The following MAJIN variants were observed in gnomAD, a reference collection of about 807,000 sequenced individuals.
MAJIN encodes the protein membrane-anchored junction protein.
A neutral mutation model predicts 30.2 loss-of-function variants in MAJIN; 27 were observed. The observed-to-expected ratio is 0.89, with a 90% CI of 0.66 to 1.23. The LOEUF is 1.23. Among genes scored for constraint, MAJIN ranks in the 50% most tolerant of loss-of-function variants. The pLI, the probability that MAJIN is intolerant of heterozygous loss-of-function variation, is 0.00. For synonymous variants in MAJIN, 78 were observed against 91.6 expected (o/e 0.85, Z 0.85); for missense variants, 253 against 260.3 (o/e 0.97, Z 0.19).
intron 1 of MAJIN, among the ~76,000 whole-genome samples, chr11:64,966,985 G>A (rs1204864155): frequency 6.6e-6 from 1 of 150,464 alleles, no homozygotes; most frequent in Non-Finnish European, 1.5e-5. Flanking sequence ...TTTATAGAAA[G>A]ATATACTTGG....
rs1382276146 is a variant in MAJIN, at chr11:64,972,044, A to G, written c.-232T>C. ...AGTCGTTTTGAGGGACTGGCTCGCCAGCTCCTAAGCAACTTCGGGGCTCGT... is the reference window on the plus strand; with the variant it reads ...AGTCGTTTTGAGGGACTGGCTCGCCGGCTCCTAAGCAACTTCGGGGCTCGT... On this transcript the variant is annotated 5_prime_UTR_variant, in exon 1 of 11. Coordinates refer to ENST00000301896, the MANE Select transcript of MAJIN (RefSeq NM_001037225.3). The G allele has an allele frequency of 6.6e-6, 1 of 152,198 alleles. No homozygotes were observed. The highest frequency in any genetic ancestry group is 6.5e-5 in the Admixed American group (1 of 15,282). The allele number at this position is 152,198 out of a possible 1,614,324, so 9.4% of individuals were successfully genotyped here.
intron 5 of MAJIN, 22 bp downstream of exon 5, chr11:64,950,329 CAAAA>C (rs71049671): frequency 8.7e-4 from 1,057 of 1,215,708 alleles, no homozygotes; most frequent in East Asian, 3.0e-3. Flanking sequence ...GACTCCATCT[CAAAA>C]AAAAAAAAAA....
Position 64,938,339 on chromosome 11 carries a change from T to G in MAJIN, c.*236A>C, listed in dbSNP as rs551340963. On this transcript the variant is annotated 3_prime_UTR_variant, in exon 11 of 11. Transcript: ENST00000301896. The stretch of plus-strand genomic sequence containing the variant: ...TTTAGAAAGTTCCATTCTTAATGTT[T>G]TAAATTGGGGGAAAAAATCTATTAT... The G allele has an allele frequency of 7.9e-6, 5 of 631,470 alleles. No homozygotes were observed. The highest frequency in any genetic ancestry group is 1.3e-5 in the Non-Finnish European group (5 of 378,632). The allele number at this position is 631,470 out of a possible 1,614,324, so 39.1% of individuals were successfully genotyped here.
At chr11:64,959,010 C>T (rs112476423) in intron 3 of MAJIN, among the ~76,000 whole-genome samples, 4,018 of 149,132 alleles carry the variant, frequency 0.027, 182 homozygotes, top group African/African-American at 0.094. Context: ...AATCCCAACA[C>T]TTGGGGAGGC....
intron 6 of MAJIN, among the ~76,000 whole-genome samples, 158 bp from the exon 7 acceptor site, chr11:64,947,977 A>G (rs1024870386): frequency 1.3e-5 from 2 of 149,642 alleles, no homozygotes; most frequent in African/African-American, 4.9e-5. Context: ...CTCCTCCCTC[A>G]GCCTCCCGAG....
In MAJIN at chr11:64,938,377, G is replaced by A; in HGVS notation, c.*198C>T. ...AAAAATCTATTATAAAGGGGCAAAG[G>A]ACACGATAAAACCACAGAGGACTCA... On this transcript the variant is annotated 3_prime_UTR_variant, in exon 11 of 11. Transcript: ENST00000301896. 1.3e-6 allele frequency: 1 copy of A among 796,276 alleles called. No individual in the cohort carries two copies. The highest frequency in any genetic ancestry group is 2.7e-5 in the East Asian group (1 of 36,612). 49.3% of individuals were successfully genotyped at this position (796,276 alleles called of 1,614,324 possible).
At chr11:64,945,660 C>T (rs1006912241) in intron 8 of MAJIN, among the ~76,000 whole-genome samples, 45 of 152,012 alleles carry the variant, frequency 3.0e-4, no homozygotes, top group African/African-American at 9.6e-4. Flanking sequence ...CTCAGCCTCC[C>T]GAGTAGCTGG....
chr11:64,958,698 G>A (rs1382748325), intron 3 of MAJIN, among the ~76,000 whole-genome samples: 1 of 151,810 alleles, frequency 6.6e-6, no homozygotes, highest in East Asian at 1.9e-4. Flanking sequence ...GCCCAGGCTG[G>A]AGTACAGTGG....
intron 1 of MAJIN, among the ~76,000 whole-genome samples, chr11:64,962,294 C>T (rs919351531): frequency 2.6e-5 from 4 of 152,144 alleles, no homozygotes; most frequent in African/African-American, 9.7e-5. Context: ...GCTGGCTGCC[C>T]GATTCAGAAA....
chr11:64,962,804 AAG>A (rs1348815711), intron 1 of MAJIN, among the ~76,000 whole-genome samples: 8 of 152,146 alleles, frequency 5.3e-5, no homozygotes, highest in Non-Finnish European at 1.2e-4. Flanking sequence ...GATAGATTTG[AAG>A]AGTTTCTCCC....
chr11:64,949,911 A>G (rs1590695857), intron 5 of MAJIN, 43 bp from the exon 6 acceptor site: 1 of 1,592,426 alleles, frequency 6.3e-7, no homozygotes, highest in East Asian at 2.2e-5. Flanking sequence ...GCCAGTATGC[A>G]TTCCTAAGTA....
chr11:64,950,017 T>C (rs1945525384), intron 5 of MAJIN, 149 bp from the exon 6 acceptor site: 1 of 1,151,002 alleles, frequency 8.7e-7, no homozygotes, highest in Non-Finnish European at 1.2e-6. Flanking sequence ...ATGTGAGCTG[T>C]AGCTCATTTC....
chr11:64,939,734 A>G lies in MAJIN; in HGVS notation c.580T>C (p.Leu194=). Reference sequence around the variant, plus strand: ...TGAGTTGTGCTGCAGGGGTGGGACAATTCGCCCTGGCAGGCTGTGTCCCCA... The same window carrying G: ...TGAGTTGTGCTGCAGGGGTGGGACAGTTCGCCCTGGCAGGCTGTGTCCCCA... ...LSGDTACQGE[L]SHPCSTTHLH... is the part of the protein sequence containing the mutation. The change falls in exon 10 of 11, where the codon TTG becomes CTG. Residue 194 remains leucine (L), a synonymous_variant. Coordinates refer to ENST00000301896, the MANE Select transcript of MAJIN (RefSeq NM_001037225.3). The G allele has an allele frequency of 6.2e-7, 1 of 1,614,028 alleles. No homozygotes were observed. Among genetic ancestry groups the G allele is most frequent in the Non-Finnish European group, 8.5e-7 (1 of 1,179,944 alleles).
chr11:64,958,613 AAAAAG>A (rs1945673110), intron 3 of MAJIN, among the ~76,000 whole-genome samples: 2 of 150,838 alleles, frequency 1.3e-5, no homozygotes, highest in African/African-American at 4.9e-5. Flanking sequence ...AAAAAAAAAA[AAAAAG>A]AAAGAAAAAT....
intron 3 of MAJIN, among the ~76,000 whole-genome samples, chr11:64,957,704 G>A (rs1211709336): frequency 1.3e-5 from 2 of 151,770 alleles, no homozygotes; most frequent in African/African-American, 4.8e-5. Context: ...GAACCCAGCT[G>A]TTTTTATCAT....
chr11:64,940,420 A>C (rs1945356351), intron 9 of MAJIN, among the ~76,000 whole-genome samples, 154 bp downstream of exon 9: 1 of 152,136 alleles, frequency 6.6e-6, no homozygotes, highest in African/African-American at 2.4e-5. Flanking sequence ...AGGCCCCCAG[A>C]CCAGAGGATG....
chr11:64,938,780 CAG>C (rs150012989), intron 10 of MAJIN, among the ~76,000 whole-genome samples: 67 of 150,358 alleles, frequency 4.5e-4, no homozygotes, highest in African/African-American at 7.5e-4. Flanking sequence ...AATGGGATGG[CAG>C]AGAGAGAGAG....
intron 1 of MAJIN, among the ~76,000 whole-genome samples, chr11:64,966,217 G>A (rs978178027): frequency 2.1e-4 from 30 of 141,054 alleles, no homozygotes; most frequent in Non-Finnish European, 4.0e-4. Flanking sequence ...AATATCCTTA[G>A]CTGGAAAGAA....
chr11:64,968,831 CA>C (rs35240492), intron 1 of MAJIN, among the ~76,000 whole-genome samples: 118 of 108,580 alleles, frequency 1.1e-3, no homozygotes, highest in Middle Eastern at 4.7e-3. Context: ...GACTCTGTCT[CA>C]AAAAAAAAAA....
Sources: allele counts gnomAD v4.1 joint callset (sites outside exome capture counted in the v4.1 genomes callset), GRCh38; gene constraint gnomAD v4.1.1; transcripts MANE v1.5; gene names NCBI Gene and HGNC (gene_info 2026-07-23, HGNC 2026-07-21).